CFAP43: variants seen among roughly 807,000 people sequenced by gnomAD.
CFAP43 encodes cilia- and flagella-associated protein 43.
CFAP43 carries 155 observed loss-of-function variants against 218.9 expected under a neutral mutation model. The observed-to-expected ratio is 0.71, with a 90% CI of 0.62 to 0.81. The LOEUF (loss-of-function observed/expected upper bound fraction) is 0.81. CFAP43 is among the 30% of genes least tolerant of loss of function. The pLI, the probability that CFAP43 is intolerant of heterozygous loss-of-function variation, is 0.00. For missense variants in CFAP43, 1,778 were observed against 1,954.3 expected (o/e 0.91, Z 1.70); for synonymous variants, 645 against 681.3 (o/e 0.95, Z 0.83).
chr10:104,219,077 C>T (rs1034506580), intron 3 of CFAP43, among the ~76,000 whole-genome samples: 1 of 152,082 alleles, frequency 6.6e-6, no homozygotes, highest in Non-Finnish European at 1.5e-5. Flanking sequence ...ATCTCAAGCA[C>T]TCTCAGTTCA....
Position 104,206,001 on chromosome 10 carries a change from A to G in CFAP43, c.925T>C (p.Leu309=), listed in dbSNP as rs1406833982. ...AGCACGCCCTCCTTCTGATATACCA[A>G]GGTTACTGGACTGATAAAATTTCTT... ...DRRNFISPVT[L]VYQKEGVLAS... Residue 309 remains leucine (L), a synonymous_variant, in exon 7 of 38, where the codon TTG becomes CTG. Coordinates refer to ENST00000357060, the MANE Select transcript of CFAP43 (RefSeq NM_025145.7). 2.5e-6 allele frequency: 4 copies of G among 1,610,488 alleles called. No homozygotes were observed. Among genetic ancestry groups the G allele is most frequent in the South Asian group, 1.1e-5 (1 of 89,728 alleles).
intron 33 of CFAP43, 78 bp from the exon 34 acceptor site, chr10:104,141,079 G>A (rs979888365): frequency 1.6e-5 from 22 of 1,417,394 alleles, no homozygotes; most frequent in African/African-American, 2.9e-5. Flanking sequence ...TATAAAAATC[G>A]AATCAGCTTA....
intron 23 of CFAP43, 66 bp from the exon 24 acceptor site, chr10:104,164,366 C>A: frequency 4.2e-6 from 5 of 1,190,832 alleles, no homozygotes; most frequent in Non-Finnish European, 5.8e-6. Context: ...CATGATCCCA[C>A]AATTATACTT....
chr10:104,194,917 GCA>G (rs1442838145), intron 10 of CFAP43, among the ~76,000 whole-genome samples: 1 of 152,220 alleles, frequency 6.6e-6, no homozygotes, highest in Non-Finnish European at 1.5e-5. Context: ...TTATTAGAAT[GCA>G]CACAGTCTCC....
chr10:104,130,014 A>G lies in CFAP43; in HGVS notation c.*125T>C. 8.4e-7 allele frequency: 1 copy of G among 1,188,066 alleles called. No homozygotes were observed. Among genetic ancestry groups the G allele is most frequent in the Non-Finnish European group, 1.1e-6 (1 of 893,504 alleles). 73.6% of individuals were successfully genotyped at this position (1,188,066 alleles called of 1,614,324 possible). ...GCTAAAATTAAACAATTTTTTATCT[A>G]AAACATGCAACTCAGAGGACATGCT... On this transcript the variant is annotated 3_prime_UTR_variant, in exon 38 of 38. Coordinates refer to ENST00000357060, the MANE Select transcript of CFAP43 (RefSeq NM_025145.7).
intron 29 of CFAP43, 47 bp downstream of exon 29, chr10:104,147,844 T>C (rs950553471): frequency 1.3e-5 from 17 of 1,352,278 alleles, no homozygotes; most frequent in Admixed American, 2.1e-5. Flanking sequence ...ATGAGGGGCA[T>C]GTCTATCAGA....
At chr10:104,139,610 C>A (rs2087611660) in intron 34 of CFAP43, among the ~76,000 whole-genome samples, 1 of 152,088 alleles carries the variant, frequency 6.6e-6, no homozygotes, top group South Asian at 2.1e-4. Flanking sequence ...AATGAACGAA[C>A]CTGGCAATCC....
intron 12 of CFAP43, among the ~76,000 whole-genome samples, chr10:104,191,020 A>G (rs2090193362): frequency 6.6e-6 from 1 of 152,266 alleles, no homozygotes; most frequent in Non-Finnish European, 1.5e-5. Context: ...CCACATAGTC[A>G]GGCATTCCTC....
intron 9 of CFAP43, among the ~76,000 whole-genome samples, 173 bp from the exon 10 acceptor site, chr10:104,197,106 ATATTAAC>A (rs2090402079): frequency 6.6e-6 from 1 of 152,186 alleles, no homozygotes; most frequent in Non-Finnish European, 1.5e-5. Context: ...TTCTGAGCAA[ATATTAAC>A]TATTATCTTT....
intron 8 of CFAP43, among the ~76,000 whole-genome samples, chr10:104,200,688 A>T (rs2090509521): frequency 1.3e-5 from 2 of 150,816 alleles, no homozygotes; most frequent in Non-Finnish European, 3.0e-5. Context: ...AAAAAAAAAA[A>T]AAAAAAAAGA....
In CFAP43 at chr10:104,187,369, C is replaced by G. The variant is rs755896078; in HGVS notation, c.1811G>C (p.Gly604Ala). 6.2e-7 allele frequency: 1 copy of G among 1,611,266 alleles called. No homozygotes were observed. Among genetic ancestry groups the G allele is most frequent in the Non-Finnish European group, 8.5e-7 (1 of 1,179,154 alleles). ...GATGTATGGCACTTGACTACAGAAG[C>G]CATATATTTGGTTACTTTGAAAGCC... Reference protein sequence around the residue: ...VLGFQSNQIYGFCSQVPYICS... With the variant: ...VLGFQSNQIYAFCSQVPYICS... The change falls in exon 14 of 38, where the codon GGC becomes GCC. Residue 604 changes from glycine to alanine, a missense_variant. By Grantham distance (60) the Gly-to-Ala change is moderately conservative. Around this residue, in one of 3 missense-constraint regions of CFAP43, gnomAD observed 1,553 missense variants for 1,685.2 expected, o/e 0.92. Transcript: ENST00000357060.
At chr10:104,157,564 T>A (rs1839182024) in intron 27 of CFAP43, among the ~76,000 whole-genome samples, 1 of 152,012 alleles carries the variant, frequency 6.6e-6, no homozygotes, top group Admixed American at 6.6e-5. Flanking sequence ...GGACAGCATT[T>A]TTGATAGAGG....
chr10:104,198,563 A>T (rs2090441806), intron 8 of CFAP43, among the ~76,000 whole-genome samples: 1 of 151,646 alleles, frequency 6.6e-6, no homozygotes, highest in African/African-American at 2.4e-5. Context: ...TGACAGGTGT[A>T]AGCCACTGCG....
At position 104,186,052 on chromosome 10, in the gene CFAP43, G is replaced by T; in HGVS notation, c.1932C>A (p.Leu644=). The change falls in exon 15 of 38, where the codon CTC becomes CTA. Residue 644 remains leucine, a synonymous_variant. Coordinates refer to ENST00000357060, the MANE Select transcript of CFAP43 (RefSeq NM_025145.7). ...VQSRQYGPGL[L]YLSSHGLWLI... ...GCCACAATCCATGTGAAGACAGATA[G>T]AGCAGTCCAGGTCCATACTGTCTGC... The T allele has an allele frequency of 1.2e-6, 2 of 1,608,424 alleles. No homozygotes were observed. The highest frequency in any genetic ancestry group is 1.7e-5 in the Admixed American group (1 of 58,410).
At chr10:104,134,599 GA>G (rs1293550163) in intron 34 of CFAP43, among the ~76,000 whole-genome samples, 1 of 152,028 alleles carries the variant, frequency 6.6e-6, no homozygotes, top group African/African-American at 2.4e-5. Context: ...AGAATACTAT[GA>G]AAATTCTACA....
intron 19 of CFAP43, among the ~76,000 whole-genome samples, chr10:104,173,368 G>A (rs73333208): frequency 0.061 from 9,271 of 152,246 alleles, 657 homozygotes; most frequent in African/African-American, 0.17. Flanking sequence ...TCAGCAGGAT[G>A]CATCACAGCC....
At position 104,198,049 on chromosome 10, in the gene CFAP43, T is replaced by C. The variant is rs747348579; in HGVS notation, c.1096-11A>G. On this transcript the variant is annotated splice_polypyrimidine_tract_variant and intron_variant, in intron 8 of 37. Coordinates refer to ENST00000357060, the MANE Select transcript of CFAP43 (RefSeq NM_025145.7). ...GATATAAACAGATCCCTGATAAACATACAAAAGAAAAGAAACACATTGTAA... is the reference window on the plus strand; with the variant it reads ...GATATAAACAGATCCCTGATAAACACACAAAAGAAAAGAAACACATTGTAA... The C allele has an allele frequency of 1.0e-5, 15 of 1,483,684 alleles. No homozygotes were observed. The highest frequency in any genetic ancestry group is 1.3e-5 in the Non-Finnish European group (14 of 1,068,736). 91.9% of individuals were successfully genotyped at this position (1,483,684 alleles called of 1,614,324 possible).
At chr10:104,177,628 G>A (rs1346922872) in intron 19 of CFAP43, among the ~76,000 whole-genome samples, 1 of 152,196 alleles carries the variant, frequency 6.6e-6, no homozygotes, top group African/African-American at 2.4e-5. Flanking sequence ...TCAAAGAAGA[G>A]TGGAAAAGGG....
At chr10:104,169,499 T>C (rs1362773948) in intron 20 of CFAP43, among the ~76,000 whole-genome samples, 1 of 152,166 alleles carries the variant, frequency 6.6e-6, no homozygotes, top group South Asian at 2.1e-4. Flanking sequence ...CATAATCCTA[T>C]TGCTTATTAT....
Sources: gnomAD v4.1 joint callset for allele counts (sites outside exome capture counted in the v4.1 genomes callset) on GRCh38, gnomAD v4.1.1 for gene constraint, gnomAD v4.1.1 regional missense constraint, MANE v1.5 for transcripts, NCBI Gene and HGNC (gene_info 2026-07-23, HGNC 2026-07-21) for gene names.